The following PDE10A variants were observed in gnomAD, a reference collection of about 807,000 sequenced individuals.
PDE10A encodes phosphodiesterase 10A.
In PDE10A, 39 loss-of-function variants were observed where a neutral mutation model predicts 97.7. The ratio of observed to expected loss-of-function variants is 0.40; its 90% confidence interval spans 0.31 to 0.52. The LOEUF (loss-of-function observed/expected upper bound fraction) is 0.52. PDE10A is among the 20% of genes least tolerant of loss of function. PDE10A has a pLI of 0.56. For synonymous variants in PDE10A, 371 were observed against 376.8 expected (o/e 0.98, Z 0.18); for missense variants, 731 against 1,047.8 (o/e 0.70, Z 4.17).
intron 1 of PDE10A, among the ~76,000 whole-genome samples, chr6:165,718,039 G>A (rs1022366716): frequency 5.9e-5 from 9 of 152,216 alleles, no homozygotes; most frequent in South Asian, 2.1e-4. Context: ...CTCCCGTTCC[G>A]TGGGTTACCT....
intron 20 of PDE10A, among the ~76,000 whole-genome samples, chr6:165,337,728 C>T (rs966441225): frequency 5.3e-5 from 8 of 152,070 alleles, no homozygotes; most frequent in African/African-American, 9.7e-5. Flanking sequence ...CTAAAACAAA[C>T]GATTATCTTA....
At chr6:165,505,596 GC>G (rs1373638108) in intron 2 of PDE10A, among the ~76,000 whole-genome samples, 2 of 152,188 alleles carry the variant, frequency 1.3e-5, no homozygotes, top group African/African-American at 4.8e-5. Flanking sequence ...AACTGATGGT[GC>G]AAAGTTAATC....
At chr6:165,532,449 G>A (rs371401142) in intron 2 of PDE10A, among the ~76,000 whole-genome samples, 10 of 151,996 alleles carry the variant, frequency 6.6e-5, no homozygotes, top group African/African-American at 2.2e-4. Flanking sequence ...ATTGAAATCA[G>A]TTATACAAGT....
chr6:165,619,634 G>C (rs904647936), intron 1 of PDE10A, among the ~76,000 whole-genome samples: 29 of 125,378 alleles, frequency 2.3e-4, no homozygotes, highest in African/African-American at 6.5e-4. Flanking sequence ...GTAGTATAGT[G>C]TAGTGTAGTA....
At chr6:165,489,378 C>A (rs1360640542) in intron 2 of PDE10A, among the ~76,000 whole-genome samples, 5 of 152,084 alleles carry the variant, frequency 3.3e-5, no homozygotes, top group African/African-American at 7.2e-5. Flanking sequence ...CTCAGGAAGC[C>A]CCATTCCTAG....
rs906635364 is a variant in PDE10A, at chr6:165,924,481, C to G, written c.-615+63048G>C. 2.6e-5 allele frequency among the ~76,000 whole-genome samples: 4 copies of G among 152,066 alleles called. No homozygotes were observed. The South Asian group carries it at 6.3e-4, about 24-fold the overall frequency. On this transcript the variant is annotated intron_variant, in intron 1 of 19. Transcript: ENST00000366882. ...GTCCATGTGGATAGAAGATCTCTCT[C>G]TGTGTGTACCATTCATGGTCTCCAT...
At chr6:165,840,049 T>C (rs372991305) in intron 1 of PDE10A, among the ~76,000 whole-genome samples, 13 of 518 alleles carry the variant, frequency 0.025, no homozygotes, top group South Asian at 0.22. Flanking sequence ...TCCATCTCCA[T>C]GTCCATCTCC....
chr6:165,516,592 G>A (rs1327097962), intron 2 of PDE10A, among the ~76,000 whole-genome samples: 2 of 152,062 alleles, frequency 1.3e-5, no homozygotes, highest in South Asian at 2.1e-4. Flanking sequence ...TTAAGCATAC[G>A]AGGACAAATT....
At chr6:165,521,912 G>A (rs750961978) in intron 2 of PDE10A, among the ~76,000 whole-genome samples, 3 of 152,174 alleles carry the variant, frequency 2.0e-5, no homozygotes, top group Non-Finnish European at 4.4e-5. Flanking sequence ...TCATATAAGT[G>A]GGATCATATA....
chr6:165,332,959 G>GA lies in PDE10A; in HGVS notation c.*65dup. 1 of 925,166 alleles carries GA rather than the reference G, an allele frequency of 1.1e-6. No homozygotes were observed. The highest frequency in any genetic ancestry group is 1.3e-5 in the South Asian group (1 of 74,782). 57.3% of individuals were successfully genotyped at this position (925,166 alleles called of 1,614,324 possible). ...TTCCCCCCACCCCCCCCAAAAAAAG[G>GA]AAAAGAATGTCAAAGAAGCAAGATG... On this transcript the variant is annotated 3_prime_UTR_variant, in exon 22 of 22. Coordinates refer to ENST00000539869, the MANE Select transcript of PDE10A (RefSeq NM_001385079.1).
At chr6:165,520,207 A>G (rs1417778809) in intron 2 of PDE10A, among the ~76,000 whole-genome samples, 2 of 152,176 alleles carry the variant, frequency 1.3e-5, no homozygotes, top group Admixed American at 6.6e-5. Context: ...TTTGTTTCTC[A>G]TGGGAAAGGA....
intron 1 of PDE10A, among the ~76,000 whole-genome samples, chr6:165,577,853 C>T (rs910466184): frequency 6.6e-6 from 1 of 152,212 alleles, no homozygotes; most frequent in Non-Finnish European, 1.5e-5. Flanking sequence ...AAACTTCCTA[C>T]AGCTGGGGAG....
At chr6:165,855,022 A>C (rs111699448) in intron 1 of PDE10A, among the ~76,000 whole-genome samples, 135 of 141,166 alleles carry the variant, frequency 9.6e-4, no homozygotes, top group African/African-American at 3.2e-3. Context: ...TGAATGAATG[A>C]ATGAATGAAT....
chr6:165,362,225 G>GA (rs1226240362), intron 18 of PDE10A, among the ~76,000 whole-genome samples: 3 of 151,750 alleles, frequency 2.0e-5, no homozygotes, highest in Non-Finnish European at 4.4e-5. Context: ...AAAAACATTA[G>GA]AAAAAAATCA....
intron 1 of PDE10A, among the ~76,000 whole-genome samples, chr6:165,979,219 T>C (rs1784936665): frequency 6.6e-6 from 1 of 152,158 alleles, no homozygotes; most frequent in Non-Finnish European, 1.5e-5. Context: ...AGGGTTCTTG[T>C]TCATTGGCCA....
chr6:165,492,105 C>A (rs983549022), intron 2 of PDE10A, among the ~76,000 whole-genome samples: 1 of 152,108 alleles, frequency 6.6e-6, no homozygotes, highest in African/African-American at 2.4e-5. Context: ...ACTGGGAAAT[C>A]TAGAGGAGAT....
chr6:165,588,054 A>G (rs111413315), intron 1 of PDE10A, among the ~76,000 whole-genome samples: 50 of 152,320 alleles, frequency 3.3e-4, no homozygotes, highest in African/African-American at 1.1e-3. Context: ...TTTATCATCA[A>G]TAAGAAATGT....
intron 1 of PDE10A, among the ~76,000 whole-genome samples, chr6:165,742,999 C>A (rs1477659597): frequency 1.3e-5 from 2 of 152,176 alleles, no homozygotes; most frequent in Non-Finnish European, 2.9e-5. Context: ...CTGGCGCCTG[C>A]AGATTGTCTC....
At chr6:165,934,924 A>G (rs1783274122) in intron 1 of PDE10A, among the ~76,000 whole-genome samples, 1 of 152,248 alleles carries the variant, frequency 6.6e-6, no homozygotes, top group Non-Finnish European at 1.5e-5. Context: ...TATCATTTCC[A>G]TTATTAATGC....
Sources: gnomAD v4.1 joint callset for allele counts (sites outside exome capture counted in the v4.1 genomes callset) on GRCh38, gnomAD v4.1.1 for gene constraint, MANE v1.5 for transcripts, NCBI Gene and HGNC (gene_info 2026-07-23, HGNC 2026-07-21) for gene names.